PPARG: variants seen among roughly 807,000 people sequenced by gnomAD.
PPARG encodes peroxisome proliferator activated receptor gamma, also known as peroxisome proliferator-activated receptor gamma.
Under a neutral mutation model 39.2 loss-of-function variants are expected in PPARG, and 17 were observed. The ratio of observed to expected loss-of-function variants is 0.43; its 90% CI spans 0.30 to 0.65. PPARG has a LOEUF of 0.65. Among genes scored for constraint, PPARG ranks in the 30% least tolerant of loss-of-function variants. PPARG has a pLI of 0.13. For missense variants in PPARG, 406 were observed against 585.9 expected, an observed-to-expected ratio of 0.69 and a Z score of 3.17; for synonymous variants, 223 against 215.7, an observed-to-expected ratio of 1.03 and a Z score of -0.30.
chr3:12,423,679 A>G (rs1295677074), intron 7 of PPARG, among the ~76,000 whole-genome samples: 1 of 152,220 alleles, frequency 6.6e-6, no homozygotes, highest in Non-Finnish European at 1.5e-5. Context: ...CATAGATATT[A>G]AAAATACTGT....
chr3:12,377,506 A>AT (rs1462261341), intron 2 of PPARG, among the ~76,000 whole-genome samples: 11 of 152,110 alleles, frequency 7.2e-5, no homozygotes, highest in Admixed American at 5.9e-4. Flanking sequence ...TAATTGAGTG[A>AT]TTTTTCCCTT....
intron 4 of PPARG, among the ~76,000 whole-genome samples, chr3:12,382,588 T>G (rs1450981994): frequency 6.6e-6 from 1 of 152,218 alleles, no homozygotes. Flanking sequence ...TGATTTTTAT[T>G]GAATTCTTAC....
chr3:12,329,879 A>G (rs886074707), intron 2 of PPARG, among the ~76,000 whole-genome samples: 1 of 152,210 alleles, frequency 6.6e-6, no homozygotes, highest in South Asian at 2.1e-4. Context: ...ATATAAGTGG[A>G]CTCATATAAT....
At chr3:12,359,374 G>A (rs2048764865) in intron 2 of PPARG, among the ~76,000 whole-genome samples, 1 of 152,044 alleles carries the variant, frequency 6.6e-6, no homozygotes, top group African/African-American at 2.4e-5. Context: ...TAAGAAGCAA[G>A]GTTTATAAAA....
intron 2 of PPARG, among the ~76,000 whole-genome samples, chr3:12,320,012 C>T (rs1027638614): frequency 7.9e-5 from 12 of 152,058 alleles, no homozygotes; most frequent in African/African-American, 2.9e-4. Flanking sequence ...TAACAGTCAC[C>T]GGTACACGCT....
Position 12,362,520 on chromosome 3 carries a change from AAAATAAATAAATAAATAAATAAAT to A in PPARG, c.-8-17156_-8-17133del, listed in dbSNP as rs144523043. ...GGCAACAGAGTGAGACTTCGTCTCAAAAATAAATAAATAAATAAATAAATAAATAAATAAATAAATAAATAAATA... is the reference window on the plus strand; with the variant it reads ...GGCAACAGAGTGAGACTTCGTCTCAAAAATAAATAAATAAATAAATAAATA... On this transcript the variant is annotated intron_variant, in intron 2 of 7. Transcript: ENST00000651735. Among the ~76,000 whole-genome samples the A allele has an allele frequency of 9.8e-4, 145 of 147,972 alleles. 2 individuals are homozygous for A. The East Asian group carries it at 0.017, about 17-fold the overall frequency.
intron 7 of PPARG, 117 bp downstream of exon 7, chr3:12,417,271 G>A (rs1402939396): frequency 9.6e-7 from 1 of 1,045,284 alleles, no homozygotes; most frequent in Non-Finnish European, 1.4e-6. Context: ...CCAGTGGCAT[G>A]ATGCCATGAA....
chr3:12,402,793 T>A (rs944435732), intron 5 of PPARG, among the ~76,000 whole-genome samples: 1 of 152,162 alleles, frequency 6.6e-6, no homozygotes, highest in African/African-American at 2.4e-5. Flanking sequence ...GAACTACTGG[T>A]GAACAAGAAA....
intron 1 of PPARG, among the ~76,000 whole-genome samples, chr3:12,297,256 A>C (rs1258622695): frequency 6.6e-6 from 1 of 152,242 alleles, no homozygotes; most frequent in Non-Finnish European, 1.5e-5. Context: ...AAGAATATTT[A>C]AAAAGTAGGA....
At chr3:12,383,062 A>G (rs1472210905) in intron 4 of PPARG, among the ~76,000 whole-genome samples, 1 of 152,192 alleles carries the variant, frequency 6.6e-6, no homozygotes, top group Non-Finnish European at 1.5e-5. Context: ...TTTTTACTCT[A>G]AAGGCAACCT....
chr3:12,405,647 A>T (rs2050632057), intron 5 of PPARG, among the ~76,000 whole-genome samples: 1 of 152,244 alleles, frequency 6.6e-6, no homozygotes, highest in Admixed American at 6.5e-5. Flanking sequence ...TCACTTTCTC[A>T]GCAGGAGTAT....
At chr3:12,307,291 C>T (rs2047098685) in intron 1 of PPARG, among the ~76,000 whole-genome samples, 1 of 151,966 alleles carries the variant, frequency 6.6e-6, no homozygotes, top group African/African-American at 2.4e-5. Flanking sequence ...TGTGTCTGGC[C>T]TCTAATTGAA....
At position 12,412,909 on chromosome 3, in the gene PPARG, T is replaced by C. The variant is rs1575136056; in HGVS notation, c.730-3795T>C. 2.0e-5 allele frequency among the ~76,000 whole-genome samples: 3 copies of C among 152,276 alleles called. No individual in the cohort carries two copies. The East Asian group carries it at 5.8e-4, about 29-fold the overall frequency. On this transcript the variant is annotated intron_variant, in intron 6 of 7. Coordinates refer to ENST00000651735, the MANE Select transcript of PPARG (RefSeq NM_138711.6). ...AGCCCTTTGATGTACGGTCTGAAGATAAATACACTGTTAGCCCCCAACTAG... is the reference window on the plus strand; with the variant it reads ...AGCCCTTTGATGTACGGTCTGAAGACAAATACACTGTTAGCCCCCAACTAG...
intron 2 of PPARG, among the ~76,000 whole-genome samples, chr3:12,379,128 T>A (rs992496838): frequency 6.6e-6 from 1 of 152,064 alleles, no homozygotes; most frequent in African/African-American, 2.4e-5. Flanking sequence ...TGTCTCAGTC[T>A]CCCAAGTAGC....
At chr3:12,419,260 A>G (rs1021021866) in intron 7 of PPARG, among the ~76,000 whole-genome samples, 10 of 152,144 alleles carry the variant, frequency 6.6e-5, no homozygotes, top group African/African-American at 2.2e-4. Flanking sequence ...TATGTTTAAT[A>G]GAACAAAAAT....
intron 2 of PPARG, among the ~76,000 whole-genome samples, chr3:12,361,138 C>A (rs2048834100): frequency 2.0e-5 from 3 of 152,184 alleles, no homozygotes; most frequent in Non-Finnish European, 2.9e-5. Context: ...TTTTAATCTC[C>A]CCTTTTCTGA....
intron 2 of PPARG, among the ~76,000 whole-genome samples, chr3:12,373,994 G>A (rs137895290): frequency 6.6e-6 from 1 of 152,270 alleles, no homozygotes; most frequent in African/African-American, 2.4e-5. Flanking sequence ...TTTAACCTGG[G>A]CAGATAGTAT....
chr3:12,347,406 C>A (rs192320298), intron 2 of PPARG, among the ~76,000 whole-genome samples: 1 of 150,070 alleles, frequency 6.7e-6, no homozygotes, highest in African/African-American at 2.4e-5. Context: ...TGGGACTATC[C>A]GGCTTGTTGT....
chr3:12,406,173 GCA>G, intron 6 of PPARG, 92 bp downstream of exon 6: 1 of 1,220,206 alleles, frequency 8.2e-7, no homozygotes, highest in Non-Finnish European at 1.2e-6. Context: ...CGCTACAAAT[GCA>G]CACACAGAAT....
Sources: gnomAD v4.1 joint callset for allele counts (sites outside exome capture counted in the v4.1 genomes callset) on GRCh38, gnomAD v4.1.1 for gene constraint, MANE v1.5 for transcripts, NCBI Gene and HGNC (gene_info 2026-07-23, HGNC 2026-07-21) for gene names.